The following DLG2 variants were observed in gnomAD, a reference collection of about 807,000 sequenced individuals.
DLG2 encodes disks large homolog 2.
Under a neutral mutation model 132.5 loss-of-function variants are expected in DLG2, and 45 were observed. The observed-to-expected ratio is 0.34, with a 90% confidence interval of 0.27 to 0.44. The LOEUF (loss-of-function observed/expected upper bound fraction) is 0.44, where lower values mean the gene tolerates loss of function less well. Among genes scored for constraint, DLG2 ranks in the 20% least tolerant of loss-of-function variants. DLG2 has a pLI of 1.00. For synonymous variants in DLG2, 424 were observed against 419.6 expected (o/e 1.01, Z -0.13); for missense variants, 1,045 against 1,196.9 (o/e 0.87, Z 1.87).
Position 83,934,296 on chromosome 11 carries a change from C to G in DLG2, c.1341-3813G>C, listed in dbSNP as rs1266617137. 2.6e-5 allele frequency among the ~76,000 whole-genome samples: 4 copies of G among 152,280 alleles called. 1 individual carries two copies. Among genetic ancestry groups the G allele is most frequent in the Admixed American group, 2.6e-4 (4 of 15,308 alleles). On this transcript the variant is annotated intron_variant, in intron 14 of 27. Transcript: ENST00000376104. ...CAAAGCCAACAGACAAAACCTTGGG[C>G]CTCTATGTAATTACATAGTACCTGA... is the stretch of plus-strand genomic sequence containing the variant.
chr11:84,187,174 C>T (rs1204824224), intron 8 of DLG2, among the ~76,000 whole-genome samples: 1 of 150,868 alleles, frequency 6.6e-6, no homozygotes, highest in Non-Finnish European at 1.5e-5. Flanking sequence ...GAGATGTAGA[C>T]ATTTCCAGCT....
chr11:84,961,298 T>A (rs1372718596), intron 6 of DLG2, among the ~76,000 whole-genome samples: 2 of 151,952 alleles, frequency 1.3e-5, no homozygotes, highest in Non-Finnish European at 2.9e-5. Context: ...AGCTCATGCC[T>A]GACCTACCCC....
chr11:83,687,277 ATAT>A (rs2079968668), intron 18 of DLG2, among the ~76,000 whole-genome samples: 1 of 152,218 alleles, frequency 6.6e-6, no homozygotes, highest in Admixed American at 6.5e-5. Flanking sequence ...AGTCAGTGAG[ATAT>A]TATCCTCATT....
chr11:85,591,880 C>T lies in DLG2; in HGVS notation c.40+6777G>A, dbSNP rs1055168233. On this transcript the variant is annotated intron_variant, in intron 3 of 27. Transcript: ENST00000376104. ...CTTGTCTCCCCAGTGTGTATCATAG[C>T]GTTTGGCAAAGTGTTCAATAAATAT... Among the ~76,000 whole-genome samples, 16 of 152,186 alleles carry T rather than the reference C, an allele frequency of 1.1e-4. No individual in the cohort carries two copies. In the South Asian group the frequency reaches 1.2e-3, roughly 12 times the overall value.
At chr11:84,909,999 T>G (rs969411635) in intron 6 of DLG2, among the ~76,000 whole-genome samples, 1 of 151,790 alleles carries the variant, frequency 6.6e-6, no homozygotes, top group Non-Finnish European at 1.5e-5. Context: ...AGGGAAGAGG[T>G]GAGAATCACC....
chr11:83,814,338 T>C (rs938254382), intron 17 of DLG2, among the ~76,000 whole-genome samples: 1 of 152,204 alleles, frequency 6.6e-6, no homozygotes. Context: ...GCCGTTACTC[T>C]ACTCCCTTTC....
chr11:84,422,667 C>T (rs552456374), intron 7 of DLG2, among the ~76,000 whole-genome samples: 31 of 152,186 alleles, frequency 2.0e-4, no homozygotes, highest in African/African-American at 7.5e-4. Context: ...TTTAGACCCT[C>T]AAATTAATAT....
At chr11:84,112,138 C>T (rs1465587049) in intron 9 of DLG2, among the ~76,000 whole-genome samples, 1 of 151,464 alleles carries the variant, frequency 6.6e-6, no homozygotes, top group Admixed American at 6.6e-5. Context: ...TCAGCCTCCC[C>T]TCAGGCGCCT....
At chr11:85,357,740 ATATATATATATATATATAT>A (rs1371459196) in intron 3 of DLG2, among the ~76,000 whole-genome samples, 9 of 21,432 alleles carry the variant, frequency 4.2e-4, no homozygotes, top group Non-Finnish European at 5.7e-4. Flanking sequence ...ATATATATAT[ATATATATATATATATATAT>A]ATTTTATACT....
chr11:84,984,968 G>T (rs990790193), intron 6 of DLG2, among the ~76,000 whole-genome samples: 1 of 152,152 alleles, frequency 6.6e-6, no homozygotes, highest in Non-Finnish European at 1.5e-5. Flanking sequence ...TAACACTGGA[G>T]CTCCCAAATT....
chr11:83,633,239 T>C lies in DLG2; in HGVS notation c.1912A>G (p.Thr638Ala). 6.2e-7 allele frequency: 1 copy of C among 1,613,736 alleles called. No individual in the cohort carries two copies. The highest frequency in any genetic ancestry group is 8.5e-7 in the Non-Finnish European group (1 of 1,179,732). Residue 638 changes from threonine to alanine, a missense_variant, in exon 19 of 28, where the codon ACC becomes GCC. Around this residue, in one of 4 missense-constraint regions of DLG2, gnomAD observed 398 missense variants for 543.6 expected, o/e 0.73. Transcript: ENST00000376104. Reference protein sequence around the residue: ...SMSSGSGSLRTNQKRSLYVRA... With the variant: ...SMSSGSGSLRANQKRSLYVRA... ...ACGTAGAGGGAGCGTTTCTGATTGG[T>C]TCGCAGGGATCCGGACCCGGAGCTC... is the stretch of plus-strand genomic sequence containing the variant.
chr11:84,407,219 G>A (rs144693417), intron 7 of DLG2, among the ~76,000 whole-genome samples: 130 of 152,084 alleles, frequency 8.5e-4, no homozygotes, highest in Non-Finnish European at 1.4e-3. Flanking sequence ...AGTCTGTCTC[G>A]CTTTTGTTTC....
intron 17 of DLG2, among the ~76,000 whole-genome samples, chr11:83,821,509 C>A (rs771882949): frequency 9.9e-5 from 15 of 152,114 alleles, no homozygotes; most frequent in African/African-American, 3.1e-4. Context: ...CCATGCATTA[C>A]GACCATGTTC....
In DLG2 at chr11:83,930,200, C is replaced by A. The variant is rs1390150255; in HGVS notation, c.1496+128G>T. On this transcript the variant is annotated intron_variant, in intron 15 of 27. Coordinates refer to ENST00000376104, the MANE Select transcript of DLG2 (RefSeq NM_001142699.3). The stretch of plus-strand genomic sequence containing the variant: ...TTCTCCCATTGCACCAAGGGAACAG[C>A]AGAACATCTCTCCACTTTGGGGAAG... 7.4e-6 allele frequency: 8 copies of A among 1,078,906 alleles called. No individual in the cohort carries two copies. In the Admixed American group the frequency reaches 1.5e-4, roughly 20 times the overall value. 66.8% of individuals were successfully genotyped at this position (1,078,906 alleles called of 1,614,324 possible).
intron 11 of DLG2, among the ~76,000 whole-genome samples, chr11:84,032,998 T>C (rs572439260): frequency 1.1e-4 from 16 of 152,280 alleles, no homozygotes; most frequent in Admixed American, 9.8e-4. Context: ...AAGATTTCTT[T>C]CAAAATATTG....
intron 6 of DLG2, among the ~76,000 whole-genome samples, chr11:84,646,693 T>G (rs966839468): frequency 7.4e-5 from 11 of 148,116 alleles, no homozygotes; most frequent in African/African-American, 2.3e-4. Flanking sequence ...GAGCACAAGA[T>G]TTTACACTTA....
intron 16 of DLG2, among the ~76,000 whole-genome samples, chr11:83,859,291 G>A (rs773461221): frequency 1.4e-4 from 21 of 152,150 alleles, no homozygotes; most frequent in Non-Finnish European, 2.2e-4. Context: ...GGAAAATGTG[G>A]GAAAGTTTGG....
intron 18 of DLG2, among the ~76,000 whole-genome samples, chr11:83,639,879 C>A (rs970377900): frequency 4.0e-5 from 6 of 151,736 alleles, no homozygotes; most frequent in African/African-American, 1.5e-4. Context: ...AGTTACTGAA[C>A]CTCAGTTTGT....
chr11:84,008,715 G>T (rs1308524586), intron 11 of DLG2, among the ~76,000 whole-genome samples: 5 of 151,854 alleles, frequency 3.3e-5, no homozygotes, highest in Non-Finnish European at 5.9e-5. Flanking sequence ...AAATAAATTT[G>T]CACATTGGGT....
Sources: allele counts gnomAD v4.1 joint callset (sites outside exome capture counted in the v4.1 genomes callset), GRCh38; gene constraint gnomAD v4.1.1; regional missense constraint gnomAD v4.1.1; transcripts MANE v1.5; gene names NCBI Gene and HGNC (gene_info 2026-07-23, HGNC 2026-07-21).